The following ZNF462 variants were observed in gnomAD, a reference collection of about 807,000 sequenced individuals.
ZNF462 encodes the protein zinc finger PBX1-interacting protein.
Under a neutral mutation model 201.9 loss-of-function variants are expected in ZNF462, and 10 were observed. The observed-to-expected ratio is 0.05, with a 90% CI of 0.03 to 0.08. The LOEUF is 0.08. ZNF462 is among the 10% of genes least tolerant of loss of function. The pLI, the probability that ZNF462 is intolerant of heterozygous loss-of-function variation, is 1.00. For missense variants in ZNF462, 2,523 were observed against 3,168.3 expected, an observed-to-expected ratio of 0.80 and a Z score of 4.89; for synonymous variants, 1,227 against 1,193.3, an observed-to-expected ratio of 1.03 and a Z score of -0.58.
chr9:106,912,144 C>T (rs550470429), intron 1 of ZNF462, among the ~76,000 whole-genome samples: 5 of 152,174 alleles, frequency 3.3e-5, no homozygotes, highest in Non-Finnish European at 7.3e-5. Flanking sequence ...CAGCTAGCCT[C>T]TTCAGTGACT....
intron 1 of ZNF462, among the ~76,000 whole-genome samples, chr9:106,922,977 A>G (rs1002057497): frequency 2.0e-5 from 3 of 152,204 alleles, no homozygotes; most frequent in South Asian, 2.1e-4. Flanking sequence ...GATGGTTCCA[A>G]TTTAAAAAGA....
chr9:106,929,904 G>A lies in ZNF462; in HGVS notation c.5847+145G>A, dbSNP rs576979582. On this transcript the variant is annotated intron_variant, in intron 3 of 12. Transcript: ENST00000277225. The surrounding 1 kb of genome is among the most constrained non-coding windows in gnomAD (Gnocchi z 8.7). ...GCTCAATAAGTCAATTAAACATTTC[G>A]AGCTTGATTATCTCCCATTCTGTGC... 5.2e-5 allele frequency: 38 copies of A among 724,978 alleles called. No homozygotes were observed. The highest frequency in any genetic ancestry group is 8.1e-5 in the Non-Finnish European group (36 of 446,312). The allele number at this position is 724,978 out of a possible 1,614,324, so 44.9% of individuals were successfully genotyped here. A position where few individuals can be genotyped will look rare whatever the true frequency, so the allele number is the denominator to read the frequency against.
intron 11 of ZNF462, among the ~76,000 whole-genome samples, chr9:107,007,025 T>G (rs1424684372): frequency 6.6e-6 from 1 of 152,180 alleles, no homozygotes; most frequent in Non-Finnish European, 1.5e-5. Flanking sequence ...CTCTGCACTG[T>G]TACCGGAGTT....
intron 1 of ZNF462, among the ~76,000 whole-genome samples, chr9:106,922,969 T>C (rs117889004): frequency 0.048 from 7,354 of 152,260 alleles, 250 homozygotes; most frequent in Non-Finnish European, 0.065. Context: ...ACTTTTGAGA[T>C]GGTTCCAATT....
rs1323132126 is a variant in ZNF462 at position 106,928,791 on chromosome 9, G to A, written c.4879G>A (p.Val1627Met). The A allele has an allele frequency of 6.2e-7, 1 of 1,614,130 alleles. No homozygotes were observed. Among genetic ancestry groups the A allele is most frequent in the East Asian group, 2.2e-5 (1 of 44,876 alleles). The change falls in exon 3 of 13, where the codon GTG becomes ATG. Residue 1627 changes from valine (V) to methionine (M), a missense_variant. Val to Met is a conservative substitution (Grantham distance 21). This residue lies in a region of ZNF462 where 200 missense variants were observed against 281.3 expected (regional missense o/e 0.71). Transcript: ENST00000277225. The surrounding 1 kb of genome is among the most constrained non-coding windows in gnomAD (Gnocchi z 9.3). ...VPLEPEMTTE[V>M]SPSQVSITEE... ...CCTCGAGCCCGAGATGACCACTGAA[G>A]TGAGCCCTTCCCAAGTCTCCATCAC... is the stretch of plus-strand genomic sequence containing the variant.
At chr9:106,991,838 CTA>C (rs1491309448) in intron 10 of ZNF462, among the ~76,000 whole-genome samples, 1,594 of 128,220 alleles carry the variant, frequency 0.012, 31 homozygotes, top group African/African-American at 0.041. Flanking sequence ...ACAGCACTCT[CTA>C]CACACACACA....
chr9:106,871,119 G>A (rs1827571809), intron 1 of ZNF462, among the ~76,000 whole-genome samples: 1 of 152,136 alleles, frequency 6.6e-6, no homozygotes, highest in Non-Finnish European at 1.5e-5. Flanking sequence ...CACAATGTGG[G>A]ATACTTGAAA....
chr9:106,873,440 T>G (rs1027547771), intron 1 of ZNF462, among the ~76,000 whole-genome samples: 1 of 151,828 alleles, frequency 6.6e-6, no homozygotes, highest in Non-Finnish European at 1.5e-5. Context: ...AGAAAAGGTG[T>G]TGTACTTTTT....
rs758419141 is a variant in ZNF462, at chr9:106,928,242, T to C, written c.4330T>C (p.Cys1444Arg). The change falls in exon 3 of 13, where the codon TGT becomes CGT. Residue 1444 changes from cysteine to arginine, a missense_variant. This residue lies in a region of ZNF462 where 165 missense variants were observed against 142.6 expected (regional missense o/e 1.16). Coordinates refer to ENST00000277225, the MANE Select transcript of ZNF462 (RefSeq NM_021224.6). This position sits in a 1 kb window ranked among gnomAD's most constrained non-coding sequence, Gnocchi z 9.3. ...CCCTTTCCCGGAGCAGGAAGCTGAATGTCCAGAGGATGCAAGACTGTCCCC... is the reference window on the plus strand; with the variant it reads ...CCCTTTCCCGGAGCAGGAAGCTGAACGTCCAGAGGATGCAAGACTGTCCCC... ...PTPFPEQEAE[C>R]PEDARLSPEK... 4 of 1,614,018 alleles carry C rather than the reference T, an allele frequency of 2.5e-6. No individual in the cohort carries two copies. Among genetic ancestry groups the C allele is most frequent in the Non-Finnish European group, 3.4e-6 (4 of 1,180,000 alleles).
chr9:106,906,322 T>C (rs1829272669), intron 1 of ZNF462, among the ~76,000 whole-genome samples: 1 of 152,200 alleles, frequency 6.6e-6, no homozygotes, highest in African/African-American at 2.4e-5. Flanking sequence ...GGTTTGTTCT[T>C]GCAGTCAATC....
Position 106,932,863 on chromosome 9 carries a change from G to C in ZNF462, c.6116+314G>C. 2.2e-6 allele frequency: 1 copy of C among 457,802 alleles called. No homozygotes were observed. Among genetic ancestry groups the C allele is most frequent in the Non-Finnish European group, 3.9e-6 (1 of 257,732 alleles). 28.4% of individuals were successfully genotyped at this position (457,802 alleles called of 1,614,324 possible). ...TCCTGATTCATCGTTCAAACATTCA[G>C]CCAAAATCTAGTCATTGTTTGAGGA... is the stretch of plus-strand genomic sequence containing the variant. On this transcript the variant is annotated intron_variant, in intron 5 of 12. Coordinates refer to ENST00000277225, the MANE Select transcript of ZNF462 (RefSeq NM_021224.6). This position sits in a 1 kb window ranked among gnomAD's most constrained non-coding sequence, Gnocchi z 6.8.
rs1450570360 is a variant in ZNF462 at position 106,917,296 on chromosome 9, C to G, written c.-30-6058C>G. On this transcript the variant is annotated intron_variant, in intron 1 of 12. Transcript: ENST00000277225. This position sits in a 1 kb window ranked among gnomAD's most constrained non-coding sequence, Gnocchi z 4.5. ...TAGTACTCCAGCATACTCTGTAGTA[C>G]TTGAAAACTTTATGCAGGAGAGCGA... Among the ~76,000 whole-genome samples the G allele has an allele frequency of 6.6e-6, 1 of 152,178 alleles. No individual in the cohort carries two copies. Among genetic ancestry groups the G allele is most frequent in the Non-Finnish European group, 1.5e-5 (1 of 68,030 alleles).
chr9:106,969,779 A>G (rs1826495904), intron 7 of ZNF462, among the ~76,000 whole-genome samples: 2 of 152,168 alleles, frequency 1.3e-5, no homozygotes, highest in South Asian at 2.1e-4. Context: ...TGGTAGACAG[A>G]TCACAGGCCA....
intron 7 of ZNF462, among the ~76,000 whole-genome samples, chr9:106,956,346 T>C (rs1298433118): frequency 6.6e-6 from 1 of 152,178 alleles, no homozygotes; most frequent in African/African-American, 2.4e-5. Flanking sequence ...GGAATCTTTT[T>C]TATCTGAGTT....
Position 106,927,965 on chromosome 9 carries a change from T to G in ZNF462, c.4053T>G (p.Ala1351=). The change falls in exon 3 of 13, where the codon GCT becomes GCG. Residue 1351 remains alanine (A), a synonymous_variant. Transcript: ENST00000277225. Reference sequence around the variant, plus strand: ...CCTACATGGCTACTAAACTGTGGGCTGGGCCAGACCCATCCCCTCCCTCTC... The same window carrying G: ...CCTACATGGCTACTAAACTGTGGGCGGGGCCAGACCCATCCCCTCCCTCTC... The part of the protein sequence containing the change: ...DYTYMATKLW[A]GPDPSPPSLT... 1 of 1,614,206 alleles carries G rather than the reference T, an allele frequency of 6.2e-7. No individual in the cohort carries two copies. The highest frequency in any genetic ancestry group is 8.5e-7 in the Non-Finnish European group (1 of 1,180,044).
rs1297967105 is a variant in ZNF462 at position 107,010,091 on chromosome 9, A to G, written c.7313+423A>G. ...CATGTACTGCCTCGGGGACAGAGCCAGCTTCTGCCTGCCTCCCAGGTAGGT... is the reference window on the plus strand; with the variant it reads ...CATGTACTGCCTCGGGGACAGAGCCGGCTTCTGCCTGCCTCCCAGGTAGGT... On this transcript the variant is annotated intron_variant, in intron 12 of 12. Coordinates refer to ENST00000277225, the MANE Select transcript of ZNF462 (RefSeq NM_021224.6). This position sits in a 1 kb window ranked among gnomAD's most constrained non-coding sequence, Gnocchi z 4.6. 6.6e-6 allele frequency among the ~76,000 whole-genome samples: 1 copy of G among 152,158 alleles called. No homozygotes were observed. Among genetic ancestry groups the G allele is most frequent in the Non-Finnish European group, 1.5e-5 (1 of 68,030 alleles).
rs913850620 is a variant in ZNF462, at chr9:106,876,388, T to G, written c.-31+13033T>G. On this transcript the variant is annotated intron_variant, in intron 1 of 12. Coordinates refer to ENST00000277225, the MANE Select transcript of ZNF462 (RefSeq NM_021224.6). The surrounding 1 kb of genome is among the most constrained non-coding windows in gnomAD (Gnocchi z 4.9). ...ATCTTCTCCAGGGCTTTGCCCCATT[T>G]ATCTATGGTCAGTATATTAGGTATT... Among the ~76,000 whole-genome samples the G allele has an allele frequency of 1.3e-5, 2 of 152,212 alleles. No homozygotes were observed. Among genetic ancestry groups the G allele is most frequent in the Admixed American group, 1.3e-4 (2 of 15,290 alleles).
chr9:106,994,206 A>G (rs1179545591), intron 10 of ZNF462, among the ~76,000 whole-genome samples: 2 of 152,278 alleles, frequency 1.3e-5, no homozygotes, highest in Non-Finnish European at 1.5e-5. Flanking sequence ...TTTTTTATAT[A>G]AATGGAGCCT....
intron 10 of ZNF462, among the ~76,000 whole-genome samples, chr9:107,000,852 TCTC>T (rs1460027272): frequency 1.3e-5 from 2 of 152,016 alleles, no homozygotes; most frequent in Non-Finnish European, 2.9e-5. Flanking sequence ...TGGTGACAGA[TCTC>T]CTTCTGTCAC....
Sources: gnomAD v4.1 joint callset for allele counts (sites outside exome capture counted in the v4.1 genomes callset) on GRCh38, gnomAD v4.1.1 for gene constraint, gnomAD v4.1.1 regional missense constraint, Gnocchi (gnomAD v3.1) non-coding constraint, MANE v1.5 for transcripts, NCBI Gene and HGNC (gene_info 2026-07-23, HGNC 2026-07-21) for gene names.